The following ADAM9 variants were observed in gnomAD, a reference collection of about 807,000 sequenced individuals.
ADAM9 encodes ADAM metallopeptidase domain 9, also known as disintegrin and metalloproteinase domain-containing protein 9.
ADAM9 carries 54 observed loss-of-function variants against 108.1 expected under a neutral mutation model. The ratio of observed to expected loss-of-function variants is 0.50; its 90% CI spans 0.40 to 0.63. The LOEUF is 0.63. ADAM9 is among the 20% of genes least tolerant of loss of function. The pLI is 0.00. For synonymous variants in ADAM9, 316 were observed against 336.0 expected (o/e 0.94, Z 0.65); for missense variants, 830 against 997.7 (o/e 0.83, Z 2.26).
At chr8:39,007,321 A>G (rs750962488) in intron 1 of ADAM9, among the ~76,000 whole-genome samples, 1 of 152,172 alleles carries the variant, frequency 6.6e-6, no homozygotes, top group African/African-American at 2.4e-5. Context: ...AATGACCCCA[A>G]CACCTGTTAC....
intron 12 of ADAM9, among the ~76,000 whole-genome samples, chr8:39,049,867 C>T (rs2129437825): frequency 6.6e-6 from 1 of 152,248 alleles, no homozygotes; most frequent in Non-Finnish European, 1.5e-5. Flanking sequence ...TAATTTTATA[C>T]TTTCTTATGC....
chr8:39,090,224 A>G (rs1362996881), intron 19 of ADAM9, 36 bp downstream of exon 19: 4 of 1,522,996 alleles, frequency 2.6e-6, no homozygotes, highest in Middle Eastern at 1.8e-4. Flanking sequence ...CCTATATTAA[A>G]TATATACATA....
chr8:39,050,809 T>G (rs1044447621), intron 12 of ADAM9, among the ~76,000 whole-genome samples: 10 of 151,418 alleles, frequency 6.6e-5, no homozygotes, highest in Admixed American at 2.6e-4. Flanking sequence ...AGTTTCTCTT[T>G]CCAGGGAAAA....
intron 14 of ADAM9, among the ~76,000 whole-genome samples, chr8:39,067,182 G>T (rs1476349063): frequency 6.6e-6 from 1 of 152,198 alleles, no homozygotes; most frequent in Non-Finnish European, 1.5e-5. Flanking sequence ...AAGTCAGGTA[G>T]TGTGATGCCT....
chr8:39,037,296 G>A (rs1317579628), intron 11 of ADAM9, among the ~76,000 whole-genome samples: 3 of 146,500 alleles, frequency 2.0e-5, no homozygotes, highest in South Asian at 2.2e-4. Context: ...TGATCCACCC[G>A]CCTCGGCCTC....
chr8:39,007,558 T>TTATAC (rs1252406157), intron 1 of ADAM9, among the ~76,000 whole-genome samples: 1 of 152,228 alleles, frequency 6.6e-6, no homozygotes, highest in East Asian at 1.9e-4. Flanking sequence ...CTTCTTGTGT[T>TTATAC]TATACCTTAA....
At chr8:39,045,103 TGC>T (rs757866663) in intron 12 of ADAM9, among the ~76,000 whole-genome samples, 1 of 18,218 alleles carries the variant, frequency 5.5e-5, no homozygotes, top group African/African-American at 3.2e-4. Flanking sequence ...TATGTGTGTG[TGC>T]ATACATACAT....
rs1222662672 is a variant in ADAM9, at chr8:39,104,430, C to T, written c.*730C>T. On this transcript the variant is annotated 3_prime_UTR_variant, in exon 22 of 22. Transcript: ENST00000487273. ...ATTTCTATTATGAATCATGTGAAAG[C>T]ATGACATTCGTTCACAATAGCACTA... 2 of 427,028 alleles carry T rather than the reference C, an allele frequency of 4.7e-6. No individual in the cohort carries two copies. The highest frequency in any genetic ancestry group is 9.4e-6 in the Non-Finnish European group (2 of 212,840). 26.5% of individuals were successfully genotyped at this position (427,028 alleles called of 1,614,324 possible). A position where few individuals can be genotyped will look rare whatever the true frequency, so the allele number is the denominator to read the frequency against.
intron 5 of ADAM9, 199 bp from the exon 6 acceptor site, chr8:39,017,020 A>T (rs1440274830): frequency 1.7e-6 from 1 of 590,878 alleles, no homozygotes; most frequent in East Asian, 2.9e-5. Flanking sequence ...ACAGGCAGTG[A>T]CGCTGCTAAG....
chr8:39,053,034 G>A (rs1404628820), intron 12 of ADAM9, among the ~76,000 whole-genome samples: 3 of 152,126 alleles, frequency 2.0e-5, no homozygotes, highest in Non-Finnish European at 2.9e-5. Context: ...ATTCTATTGA[G>A]TGTGAGGTGG....
chr8:39,055,200 T>G (rs190845464), intron 13 of ADAM9, among the ~76,000 whole-genome samples: 1 of 152,194 alleles, frequency 6.6e-6, no homozygotes, highest in Admixed American at 6.5e-5. Flanking sequence ...GTTTTTGATA[T>G]ACATTTTATA....
intron 12 of ADAM9, among the ~76,000 whole-genome samples, chr8:39,043,465 A>G (rs968432107): frequency 1.6e-4 from 25 of 152,046 alleles, no homozygotes; most frequent in African/African-American, 5.1e-4. Flanking sequence ...CGTGATAGCA[A>G]TCCTAACAGG....
intron 12 of ADAM9, among the ~76,000 whole-genome samples, chr8:39,047,054 C>A (rs866354800): frequency 6.6e-6 from 1 of 152,190 alleles, no homozygotes; most frequent in Admixed American, 6.5e-5. Flanking sequence ...CAGGTGTGCA[C>A]CACTGCACCT....
chr8:39,049,890 G>C (rs1381735332), intron 12 of ADAM9, among the ~76,000 whole-genome samples: 1 of 152,126 alleles, frequency 6.6e-6, no homozygotes, highest in Admixed American at 6.5e-5. Flanking sequence ...CTGTGTTGCT[G>C]TCTAGCAGTC....
At position 39,104,319 on chromosome 8, in the gene ADAM9, T is replaced by A. The variant is rs778001961; in HGVS notation, c.*619T>A. 4 of 452,780 alleles carry A rather than the reference T, an allele frequency of 8.8e-6. No individual in the cohort carries two copies. The highest frequency in any genetic ancestry group is 6.2e-5 in the South Asian group (4 of 64,300). The allele number at this position is 452,780 out of a possible 1,614,324, so 28.0% of individuals were successfully genotyped here. On this transcript the variant is annotated 3_prime_UTR_variant, in exon 22 of 22. Transcript: ENST00000487273. ...GTACAAAATATACTAAAAGAGTGTG[T>A]GTGTATTCACGCAGTTACTCGCTTC...
intron 4 of ADAM9, chr8:39,015,426 A>G (rs1446615651): frequency 6.6e-6 from 1 of 152,236 alleles, no homozygotes; most frequent in Non-Finnish European, 1.5e-5. Flanking sequence ...ATACTTAAGT[A>G]TCATAAGTAT....
Position 39,054,570 on chromosome 8 carries a change from T to C in ADAM9, c.1392T>C (p.Cys464=), listed in dbSNP as rs1247652315. 1.3e-6 allele frequency: 2 copies of C among 1,584,640 alleles called. No individual in the cohort carries two copies. Among genetic ancestry groups the C allele is most frequent in the Non-Finnish European group, 1.7e-6 (2 of 1,160,846 alleles). The change falls in exon 13 of 22, where the codon TGT becomes TGC. Residue 464 remains cysteine (C), a synonymous_variant. Transcript: ENST00000487273. ...CATATGGTGACTGTTGTAAAGACTG[T>C]CGGGTAAGGAATTCCTCCCTTTTGG... The part of the protein sequence containing the change: ...ECAYGDCCKD[C]RFLPGGTLCR...
chr8:39,081,041 C>T (rs1839008102), intron 16 of ADAM9, among the ~76,000 whole-genome samples: 1 of 148,376 alleles, frequency 6.7e-6, no homozygotes, highest in African/African-American at 2.5e-5. Flanking sequence ...GCAGCCTCTG[C>T]CTCCTGGGTT....
At chr8:39,045,271 CATACATATGTAT>C (rs1564299345) in intron 12 of ADAM9, among the ~76,000 whole-genome samples, 3 of 128,300 alleles carry the variant, frequency 2.3e-5, no homozygotes, top group African/African-American at 9.3e-5. Flanking sequence ...TATGTGTATA[CATACATATGTAT>C]ATGTGTGTGT....
Sources: gnomAD v4.1 joint callset for allele counts (sites outside exome capture counted in the v4.1 genomes callset) on GRCh38, gnomAD v4.1.1 for gene constraint, MANE v1.5 for transcripts, NCBI Gene and HGNC (gene_info 2026-07-23, HGNC 2026-07-21) for gene names.